The following MAEA variants were observed in gnomAD, a reference collection of about 807,000 sequenced individuals.
MAEA encodes macrophage erythroblast attacher, E3 ubiquitin ligase.
Under a neutral mutation model 46.2 loss-of-function variants are expected in MAEA, and 22 were observed. That is an observed-to-expected ratio of 0.48 (90% CI 0.34 to 0.68). The LOEUF is 0.68. MAEA is among the 30% of genes least tolerant of loss of function. MAEA has a pLI of 0.01. For missense variants in MAEA, 393 were observed against 558.1 expected (o/e 0.70, Z 2.98); for synonymous variants, 246 against 222.6 (o/e 1.11, Z -0.94).
chr4:1,293,047 C>G (rs7670046), intron 1 of MAEA, among the ~76,000 whole-genome samples: 56,872 of 151,740 alleles, frequency 0.37, 11,945 homozygotes, highest in Non-Finnish European at 0.48. Flanking sequence ...GCACCCGCCA[C>G]CATGCCCAGC....
chr4:1,332,679 G>A, intron 5 of MAEA, 78 bp from the exon 6 acceptor site: 1 of 1,092,476 alleles, frequency 9.2e-7, no homozygotes, highest in East Asian at 2.6e-5. Flanking sequence ...ACTGCAGCCT[G>A]GGTGACAGAG....
chr4:1,339,043 G>A, intron 8 of MAEA, 31 bp from the exon 9 acceptor site: 1 of 1,517,762 alleles, frequency 6.6e-7, no homozygotes, highest in Non-Finnish European at 9.2e-7. Flanking sequence ...GTAGTCGCTT[G>A]CCTTAATGCA....
rs984465946 is a variant in MAEA at position 1,311,556 on chromosome 4, G to A, written c.70-423G>A. 1.3e-5 allele frequency among the ~76,000 whole-genome samples: 2 copies of A among 152,154 alleles called. No individual in the cohort carries two copies. The highest frequency in any genetic ancestry group is 2.9e-5 in the Non-Finnish European group (2 of 68,044). On this transcript the variant is annotated intron_variant, in intron 1 of 8. Coordinates refer to ENST00000303400, the MANE Select transcript of MAEA (RefSeq NM_001017405.3). The surrounding 1 kb of genome is among the most constrained non-coding windows in gnomAD (Gnocchi z 4.4). The stretch of plus-strand genomic sequence containing the variant: ...TGGAGCCCACGCCCCATGCACCCTT[G>A]TCCCTGCCCGGCCTGGCCTCGTGTG...
intron 5 of MAEA, chr4:1,329,281 C>T (rs572889184): frequency 2.7e-5 from 27 of 983,082 alleles, no homozygotes; most frequent in Middle Eastern, 5.2e-4. Context: ...CCCCCCGCTC[C>T]GCGTAGGGTC....
chr4:1,292,465 A>C (rs907054048), intron 1 of MAEA, among the ~76,000 whole-genome samples: 2 of 152,092 alleles, frequency 1.3e-5, no homozygotes, highest in Admixed American at 6.5e-5. Context: ...TGCAGCCAAC[A>C]CGCACTGACC....
chr4:1,309,129 G>T (rs572854782), intron 1 of MAEA, among the ~76,000 whole-genome samples: 3 of 152,208 alleles, frequency 2.0e-5, no homozygotes, highest in African/African-American at 7.2e-5. Context: ...CTTTGTCCAC[G>T]GATTTATTGT....
At chr4:1,318,195 C>T (rs1223320430) in intron 3 of MAEA, among the ~76,000 whole-genome samples, 1 of 152,190 alleles carries the variant, frequency 6.6e-6, no homozygotes, top group Non-Finnish European at 1.5e-5. Context: ...TCATAGATGA[C>T]CTAGCCATCC....
chr4:1,304,095 T>C (rs2108883073), intron 1 of MAEA, among the ~76,000 whole-genome samples: 1 of 152,158 alleles, frequency 6.6e-6, no homozygotes, highest in East Asian at 1.9e-4. Flanking sequence ...CGCACCCTCC[T>C]CCCCCTGTCA....
chr4:1,295,577 AC>A lies in MAEA; in HGVS notation c.69+5596del, dbSNP rs745409229. Among the ~76,000 whole-genome samples, 4 of 151,428 alleles carry A rather than the reference AC, an allele frequency of 2.6e-5. No homozygotes were observed. In the East Asian group the frequency reaches 7.8e-4, roughly 30 times the overall value. On this transcript the variant is annotated intron_variant, in intron 1 of 8. Transcript: ENST00000303400. Reference sequence around the variant, plus strand: ...TACTTCATGCTCGCCCATGCCTGTCACGCAGACCCTGCCTGACCTGCACCTG... The same window carrying A: ...TACTTCATGCTCGCCCATGCCTGTCAGCAGACCCTGCCTGACCTGCACCTG...
intron 1 of MAEA, among the ~76,000 whole-genome samples, chr4:1,310,897 T>C (rs924805086): frequency 2.0e-5 from 3 of 152,246 alleles, no homozygotes; most frequent in Non-Finnish European, 4.4e-5. Context: ...GTCCTGTCTC[T>C]GTTGCCCTGG....
intron 5 of MAEA, chr4:1,329,197 T>C: frequency 1.0e-6 from 1 of 985,682 alleles, no homozygotes; most frequent in Non-Finnish European, 1.2e-6. Flanking sequence ...TCTGTTGACC[T>C]GTTACCCCCA....
At chr4:1,305,527 C>T (rs1735743328) in intron 1 of MAEA, among the ~76,000 whole-genome samples, 1 of 152,164 alleles carries the variant, frequency 6.6e-6, no homozygotes, top group Non-Finnish European at 1.5e-5. Context: ...AGTGGAATGG[C>T]TGAGTCATCT....
At chr4:1,327,099 C>G (rs1238032114) in intron 4 of MAEA, among the ~76,000 whole-genome samples, 3 of 152,224 alleles carry the variant, frequency 2.0e-5, no homozygotes, top group Admixed American at 2.0e-4. Context: ...GTCTCCTCCC[C>G]ACCCGGGGCA....
chr4:1,302,737 C>T (rs1421343161), intron 1 of MAEA, among the ~76,000 whole-genome samples: 1 of 152,188 alleles, frequency 6.6e-6, no homozygotes, highest in Non-Finnish European at 1.5e-5. Flanking sequence ...GCCTCAGCCT[C>T]CCAAAGTGCT....
Position 1,319,449 on chromosome 4 carries a change from A to G in MAEA, c.457-2932A>G, listed in dbSNP as rs113238401. On this transcript the variant is annotated intron_variant, in intron 3 of 8. Coordinates refer to ENST00000303400, the MANE Select transcript of MAEA (RefSeq NM_001017405.3). ...TCAGTTGACGTACGAGCCTGCTGCC[A>G]GCTGGCCTCACATCTTTCATGTGAC... Among the ~76,000 whole-genome samples the G allele has an allele frequency of 1.3e-3, 196 of 152,330 alleles. 1 individual carries two copies. Among genetic ancestry groups the G allele is most frequent in the African/African-American group, 4.6e-3 (191 of 41,564 alleles).
intron 5 of MAEA, chr4:1,329,198 G>A: frequency 1.0e-6 from 1 of 985,666 alleles, no homozygotes; most frequent in Non-Finnish European, 1.2e-6. Flanking sequence ...CTGTTGACCT[G>A]TTACCCCCAC....
chr4:1,291,428 G>A (rs577415984), intron 1 of MAEA, among the ~76,000 whole-genome samples: 1 of 152,328 alleles, frequency 6.6e-6, no homozygotes, highest in South Asian at 2.1e-4. Context: ...AGATGTAGGT[G>A]GTTGGTTTTT....
intron 1 of MAEA, among the ~76,000 whole-genome samples, chr4:1,301,309 C>T (rs1735301528): frequency 6.6e-6 from 1 of 152,324 alleles, no homozygotes; most frequent in African/African-American, 2.4e-5. Context: ...CATGTCTCCA[C>T]TCACACTGCT....
At chr4:1,329,311 C>T (rs940550104) in intron 5 of MAEA, 82 of 982,732 alleles carry the variant, frequency 8.3e-5, no homozygotes, top group South Asian at 1.9e-4. Context: ...GTGTTCCCCC[C>T]GCTCCGTGTA....
Sources: allele counts gnomAD v4.1 joint callset (sites outside exome capture counted in the v4.1 genomes callset), GRCh38; gene constraint gnomAD v4.1.1; non-coding constraint Gnocchi (gnomAD v3.1); transcripts MANE v1.5; gene names NCBI Gene and HGNC (gene_info 2026-07-23, HGNC 2026-07-21).